The following RTN3 variants were observed in gnomAD, a reference collection of about 807,000 sequenced individuals.
RTN3 encodes reticulon-3.
Under a neutral mutation model 77.8 loss-of-function variants are expected in RTN3, and 49 were observed. The ratio of observed to expected loss-of-function variants is 0.63; its 90% CI spans 0.50 to 0.80. The LOEUF is 0.80. Ranked by LOEUF, RTN3 falls within the 30% of genes least tolerant of loss-of-function variation. The pLI is 0.00. For synonymous variants in RTN3, 464 were observed against 446.9 expected, an observed-to-expected ratio of 1.04 and a Z score of -0.48; for missense variants, 1,236 against 1,211.9, an observed-to-expected ratio of 1.02 and a Z score of -0.29.
At chr11:63,705,511 C>T (rs1942456365) in intron 2 of RTN3, among the ~76,000 whole-genome samples, 1 of 152,164 alleles carries the variant, frequency 6.6e-6, no homozygotes, top group Non-Finnish European at 1.5e-5. Flanking sequence ...AAAATTGTGG[C>T]TCAGGAAACA....
At chr11:63,689,785 T>C (rs77937093) in intron 1 of RTN3, among the ~76,000 whole-genome samples, 15,993 of 151,784 alleles carry the variant, frequency 0.11, 1,001 homozygotes, top group South Asian at 0.16. Flanking sequence ...TGAGACAGAA[T>C]CCCCCTCTGT....
intron 2 of RTN3, among the ~76,000 whole-genome samples, chr11:63,710,616 G>T (rs909265008): frequency 6.6e-6 from 1 of 152,166 alleles, no homozygotes; most frequent in Admixed American, 6.5e-5. Context: ...GTGAGGAGAA[G>T]CCGTGACAGT....
chr11:63,694,175 T>TA (rs1336064947), intron 1 of RTN3, among the ~76,000 whole-genome samples: 1 of 151,642 alleles, frequency 6.6e-6, no homozygotes, highest in Non-Finnish European at 1.5e-5. Context: ...ATTAATTAAT[T>TA]ATGGTTTTTT....
chr11:63,694,053 G>A (rs370270310), intron 1 of RTN3, among the ~76,000 whole-genome samples: 10 of 152,198 alleles, frequency 6.6e-5, no homozygotes, highest in African/African-American at 7.2e-5. Context: ...CCTCAAGGTC[G>A]AGGCTGCAGT....
At chr11:63,696,582 G>C (rs375184336) in intron 1 of RTN3, among the ~76,000 whole-genome samples, 1 of 120,542 alleles carries the variant, frequency 8.3e-6, no homozygotes, top group South Asian at 2.7e-4. Context: ...GTCTTGCTCT[G>C]TTGCCCACGT....
chr11:63,736,037 A>C (rs779681673), intron 3 of RTN3, among the ~76,000 whole-genome samples: 25 of 152,170 alleles, frequency 1.6e-4, no homozygotes, highest in Non-Finnish European at 2.5e-4. Flanking sequence ...ATGGATCAGC[A>C]TTCTAGGCAT....
chr11:63,683,133 C>G (rs1436473136), intron 1 of RTN3, among the ~76,000 whole-genome samples: 3 of 152,068 alleles, frequency 2.0e-5, no homozygotes, highest in Admixed American at 6.6e-5. Context: ...CTTTGGAGCC[C>G]TGTTGGATTT....
intron 3 of RTN3, chr11:63,746,810 G>A (rs950813231): frequency 3.6e-5 from 13 of 364,756 alleles, no homozygotes; most frequent in Admixed American, 2.1e-4. Flanking sequence ...CACCGCACCC[G>A]GCTGTTAAGG....
At chr11:63,697,797 A>G (rs997069181) in intron 1 of RTN3, among the ~76,000 whole-genome samples, 1 of 151,922 alleles carries the variant, frequency 6.6e-6, no homozygotes, top group Non-Finnish European at 1.5e-5. Flanking sequence ...TTTCAATCCC[A>G]TATCTTCTAG....
chr11:63,717,740 G>C (rs927712381), intron 2 of RTN3, among the ~76,000 whole-genome samples: 1 of 151,670 alleles, frequency 6.6e-6, no homozygotes, highest in Admixed American at 6.6e-5. Flanking sequence ...GGGGCCAGGC[G>C]TAGCGGCTCA....
Position 63,753,091 on chromosome 11 carries a change from T to C in RTN3, c.2900T>C (p.Met967Thr). Residue 967 changes from methionine (M) to threonine (T), a missense_variant, in exon 6 of 9, where the codon ATG (methionine) becomes ACG (threonine). Met to Thr is a moderately conservative substitution (Grantham distance 81). Around this residue, in one of 3 missense-constraint regions of RTN3, gnomAD observed 141 missense variants for 154.9 expected, o/e 0.91. Coordinates refer to ENST00000377819, the MANE Select transcript of RTN3 (RefSeq NM_001265589.2). ...CAGCTGGCTGTCTTCATGTGGCTGA[T>C]GACCTATGTTGGTGCTGTTTTTAAC... is the stretch of plus-strand genomic sequence containing the variant. ...SLKLAVFMWL[M>T]TYVGAVFNGI... 6.2e-7 allele frequency: 1 copy of C among 1,614,206 alleles called. No homozygotes were observed. Among genetic ancestry groups the C allele is most frequent in the Non-Finnish European group, 8.5e-7 (1 of 1,180,022 alleles).
chr11:63,686,344 G>A (rs184364062), intron 1 of RTN3, among the ~76,000 whole-genome samples: 2 of 152,008 alleles, frequency 1.3e-5, no homozygotes, highest in Middle Eastern at 3.4e-3. Flanking sequence ...GTGGCGGGGC[G>A]CCTGTAGTCC....
At position 63,719,158 on chromosome 11, in the gene RTN3, A is replaced by G; in HGVS notation, c.656A>G (p.Lys219Arg). 6.2e-7 allele frequency: 1 copy of G among 1,614,214 alleles called. No individual in the cohort carries two copies. The highest frequency in any genetic ancestry group is 1.6e-4 in the Middle Eastern group (1 of 6,062). Residue 219 changes from lysine to arginine, a missense_variant, in exon 3 of 9, where the codon AAG becomes AGG. Lys to Arg is a conservative substitution (Grantham distance 26). Transcript: ENST00000377819. ...TAQKPPTEYS[K>R]VEGIYTYSLS... ...CAGAAACCACCTACTGAGTACTCTA[A>G]GGTAGAAGGCATTTATACATATTCT...
chr11:63,753,116 C>G lies in RTN3; in HGVS notation c.2925C>G (p.Asn975Lys). 1 of 1,614,052 alleles carries G rather than the reference C, an allele frequency of 6.2e-7. No homozygotes were observed. Among genetic ancestry groups the G allele is most frequent in the Admixed American group, 1.7e-5 (1 of 60,000 alleles). ...WLMTYVGAVF[N>K]GITLLILAEL... Reference sequence around the variant, plus strand: ...TGACCTATGTTGGTGCTGTTTTTAACGGAATCACCCTTCTAATTCTTGGTA... The same window carrying G: ...TGACCTATGTTGGTGCTGTTTTTAAGGGAATCACCCTTCTAATTCTTGGTA... The change falls in exon 6 of 9, where the codon AAC becomes AAG. Residue 975 changes from asparagine (N) to lysine (K), a missense_variant. Around this residue, in one of 3 missense-constraint regions of RTN3, gnomAD observed 141 missense variants for 154.9 expected, o/e 0.91. Coordinates refer to ENST00000377819, the MANE Select transcript of RTN3 (RefSeq NM_001265589.2).
At chr11:63,739,632 A>G (rs2013343228) in intron 3 of RTN3, among the ~76,000 whole-genome samples, 1 of 152,216 alleles carries the variant, frequency 6.6e-6, no homozygotes, top group South Asian at 2.1e-4. Flanking sequence ...CATAGCTTTA[A>G]AAAGGTGACA....
At chr11:63,704,933 A>C in intron 2 of RTN3, 26 bp downstream of exon 2, 1 of 1,563,832 alleles carries the variant, frequency 6.4e-7, no homozygotes, top group South Asian at 1.1e-5. Flanking sequence ...TTTTGTGTGC[A>C]TTGGTAAAAG....
rs149667676 is a variant in RTN3 at position 63,757,506 on chromosome 11, A to G, written c.3054-650A>G. On this transcript the variant is annotated intron_variant, in intron 8 of 8. Transcript: ENST00000377819. ...CTCCTGAGTAGCTGACACTACAGGC[A>G]TGTGCCATGCCCTGGCAAATTTTTT... is the stretch of plus-strand genomic sequence containing the variant. Among the ~76,000 whole-genome samples the G allele has an allele frequency of 8.0e-3, 1,214 of 151,956 alleles. 15 individuals carry two copies. The highest frequency in any genetic ancestry group is 0.027 in the African/African-American group (1,118 of 41,460).
Position 63,752,750 on chromosome 11 carries a change from G to A in RTN3, c.2877+105G>A, listed in dbSNP as rs1031263274. 3.1e-5 allele frequency: 38 copies of A among 1,215,798 alleles called. 1 individual carries two copies. Among genetic ancestry groups the A allele is most frequent in the South Asian group, 6.8e-5 (5 of 74,026 alleles). 75.3% of individuals were successfully genotyped at this position (1,215,798 alleles called of 1,614,324 possible). A position where few individuals can be genotyped will look rare whatever the true frequency, so the allele number is the denominator to read the frequency against. Reference sequence around the variant, plus strand: ...AGGATTTTATCAGACAAAAATGAACGTATGCTTAGCTCAGTCATTCTATAA... The same window carrying A: ...AGGATTTTATCAGACAAAAATGAACATATGCTTAGCTCAGTCATTCTATAA... On this transcript the variant is annotated intron_variant, in intron 5 of 8. Coordinates refer to ENST00000377819, the MANE Select transcript of RTN3 (RefSeq NM_001265589.2).
chr11:63,757,680 G>A (rs994420252), intron 8 of RTN3, among the ~76,000 whole-genome samples: 1 of 150,686 alleles, frequency 6.6e-6, no homozygotes, highest in Non-Finnish European at 1.5e-5. Flanking sequence ...AGCAAATACT[G>A]TGAACCTAAC....
Sources: allele counts gnomAD v4.1 joint callset (sites outside exome capture counted in the v4.1 genomes callset), GRCh38; gene constraint gnomAD v4.1.1; regional missense constraint gnomAD v4.1.1; transcripts MANE v1.5; gene names NCBI Gene and HGNC (gene_info 2026-07-23, HGNC 2026-07-21).